ITGA9: variants seen among roughly 807,000 people sequenced by gnomAD.
The protein encoded by ITGA9 is integrin subunit alpha 9, also known as integrin alpha-9.
ITGA9 carries 56 observed loss-of-function variants against 127.8 expected under a neutral mutation model. The ratio of observed to expected loss-of-function variants is 0.44; its 90% CI spans 0.35 to 0.55. The LOEUF (loss-of-function observed/expected upper bound fraction) is 0.55. Ranked by LOEUF, ITGA9 falls within the 20% of genes least tolerant of loss-of-function variation. ITGA9 has a pLI of 0.00. For synonymous variants in ITGA9, 508 were observed against 514.5 expected, an observed-to-expected ratio of 0.99 and a Z score of 0.17; for missense variants, 1,196 against 1,347.1, an observed-to-expected ratio of 0.89 and a Z score of 1.76.
Position 37,650,554 on chromosome 3 carries a change from C to T in ITGA9, c.1840-3160C>T, listed in dbSNP as rs555256327. Among the ~76,000 whole-genome samples the T allele has an allele frequency of 5.9e-5, 9 of 152,226 alleles. No individual in the cohort carries two copies. The South Asian group carries it at 1.9e-3, about 32-fold the overall frequency. ...TCAAGCAATTCTCCTGCCTCAGCCT[C>T]CCAAGTAGCTGGGATTACAGGCACC... On this transcript the variant is annotated intron_variant, in intron 16 of 27. Transcript: ENST00000264741.
intron 17 of ITGA9, among the ~76,000 whole-genome samples, chr3:37,680,277 T>A (rs1300963193): frequency 6.6e-6 from 1 of 152,200 alleles, no homozygotes; most frequent in Non-Finnish European, 1.5e-5. Flanking sequence ...TCATTTCATT[T>A]CTAAAAATAA....
At chr3:37,622,340 C>T (rs542239483) in intron 15 of ITGA9, among the ~76,000 whole-genome samples, 66 of 152,034 alleles carry the variant, frequency 4.3e-4, no homozygotes, top group Non-Finnish European at 9.1e-4. Flanking sequence ...CCACCTGCCT[C>T]GGCCTCCCAA....
intron 1 of ITGA9, among the ~76,000 whole-genome samples, chr3:37,456,008 T>G (rs1025429573): frequency 6.6e-6 from 1 of 152,214 alleles, no homozygotes; most frequent in African/African-American, 2.4e-5. Flanking sequence ...CGGAGGATCC[T>G]AGATCCCTGT....
intron 1 of ITGA9, among the ~76,000 whole-genome samples, chr3:37,453,501 A>G (rs1007401507): frequency 2.6e-5 from 4 of 152,130 alleles, no homozygotes; most frequent in African/African-American, 9.7e-5. Context: ...TCTGGACCAG[A>G]GGGTATAAAC....
At chr3:37,651,382 A>T (rs144050148) in intron 16 of ITGA9, among the ~76,000 whole-genome samples, 1 of 152,192 alleles carries the variant, frequency 6.6e-6, no homozygotes, top group African/African-American at 2.4e-5. Flanking sequence ...TTTGGTTTTG[A>T]TGAACAGTGT....
At chr3:37,523,264 G>C (rs990627858) in intron 11 of ITGA9, among the ~76,000 whole-genome samples, 2 of 152,104 alleles carry the variant, frequency 1.3e-5, no homozygotes, top group African/African-American at 4.8e-5. Context: ...TGGTAGTCTA[G>C]GTGGATTTTT....
chr3:37,546,282 A>G (rs976010586), intron 15 of ITGA9, among the ~76,000 whole-genome samples: 1 of 152,210 alleles, frequency 6.6e-6, no homozygotes, highest in Non-Finnish European at 1.5e-5. Flanking sequence ...AAGGGAAATG[A>G]TCAAGTTCTA....
intron 23 of ITGA9, among the ~76,000 whole-genome samples, 188 bp downstream of exon 23, chr3:37,750,757 T>C (rs1012087389): frequency 6.6e-6 from 1 of 152,248 alleles, no homozygotes; most frequent in African/African-American, 2.4e-5. Context: ...GACCATTTGG[T>C]TAATGCTGTA....
intron 26 of ITGA9, among the ~76,000 whole-genome samples, chr3:37,801,237 A>G (rs1360316787): frequency 6.6e-6 from 1 of 152,090 alleles, no homozygotes; most frequent in East Asian, 1.9e-4. Context: ...CATTCCATTC[A>G]TAGCAAGGAC....
intron 26 of ITGA9, chr3:37,790,281 A>C: frequency 3.7e-6 from 2 of 541,956 alleles, no homozygotes; most frequent in South Asian, 2.8e-5. Context: ...CATCTTTATG[A>C]GCAATCTCTC....
chr3:37,633,315 G>C (rs1188531517), intron 16 of ITGA9, among the ~76,000 whole-genome samples: 1 of 152,006 alleles, frequency 6.6e-6, no homozygotes, highest in Non-Finnish European at 1.5e-5. Context: ...CTCACGATGG[G>C]GTTATGTCCC....
chr3:37,483,142 A>C (rs947656405), intron 4 of ITGA9, among the ~76,000 whole-genome samples: 3 of 152,194 alleles, frequency 2.0e-5, no homozygotes, highest in African/African-American at 7.2e-5. Flanking sequence ...CATACTAGTT[A>C]TGCATAGGAC....
At chr3:37,778,949 G>A (rs992152485) in intron 24 of ITGA9, among the ~76,000 whole-genome samples, 3 of 145,022 alleles carry the variant, frequency 2.1e-5, no homozygotes, top group African/African-American at 7.6e-5. Context: ...GTTAGATGTA[G>A]TGATACCTAG....
intron 26 of ITGA9, among the ~76,000 whole-genome samples, chr3:37,802,508 C>G (rs1031705186): frequency 4.6e-5 from 7 of 152,180 alleles, no homozygotes; most frequent in African/African-American, 1.7e-4. Flanking sequence ...GCCAGCCTGT[C>G]TGGAGCCAAA....
chr3:37,455,809 G>C (rs149708408), intron 1 of ITGA9, among the ~76,000 whole-genome samples: 163 of 152,278 alleles, frequency 1.1e-3, no homozygotes, highest in Non-Finnish European at 2.0e-3. Flanking sequence ...GAAGTGGTAG[G>C]GGGAGAGCAC....
At chr3:37,616,549 A>G (rs1289942411) in intron 15 of ITGA9, among the ~76,000 whole-genome samples, 4 of 152,162 alleles carry the variant, frequency 2.6e-5, no homozygotes, top group Non-Finnish European at 4.4e-5. Context: ...TGATCTGTCT[A>G]ATGTTGACAG....
At chr3:37,557,449 A>G (rs144163464) in intron 15 of ITGA9, among the ~76,000 whole-genome samples, 2 of 152,268 alleles carry the variant, frequency 1.3e-5, no homozygotes, top group African/African-American at 4.8e-5. Context: ...CACCCCTTCG[A>G]AGCAGCCATC....
intron 16 of ITGA9, among the ~76,000 whole-genome samples, chr3:37,635,882 T>C (rs952901764): frequency 6.6e-6 from 1 of 151,284 alleles, no homozygotes; most frequent in African/African-American, 2.4e-5. Flanking sequence ...CATGCGGTGT[T>C]TGGTTTTTTT....
At chr3:37,795,916 T>C (rs1697167290) in intron 26 of ITGA9, among the ~76,000 whole-genome samples, 1 of 152,226 alleles carries the variant, frequency 6.6e-6, no homozygotes, top group Non-Finnish European at 1.5e-5. Context: ...CATTTTGCAG[T>C]GTACTTTGCA....
Sources: allele counts gnomAD v4.1 joint callset (sites outside exome capture counted in the v4.1 genomes callset), GRCh38; gene constraint gnomAD v4.1.1; transcripts MANE v1.5; gene names NCBI Gene and HGNC (gene_info 2026-07-23, HGNC 2026-07-21).